Variants in DLC1 observed in about 807,000 individuals in gnomAD.
The protein encoded by DLC1 is DLC1 Rho GTPase activating protein.
Under a neutral mutation model 140.3 loss-of-function variants are expected in DLC1, and 54 were observed. The ratio of observed to expected loss-of-function variants is 0.38; its 90% CI spans 0.31 to 0.48. The LOEUF is 0.48. Among genes scored for constraint, DLC1 ranks in the 20% least tolerant of loss-of-function variants. The probability of loss-of-function intolerance (pLI) is 0.96; values close to 1 mark genes in which losing one functional copy is unlikely to be tolerated. For synonymous variants in DLC1, 986 were observed against 728.1 expected, an observed-to-expected ratio of 1.35 and a Z score of -5.70; for missense variants, 2,536 against 1,907.0, an observed-to-expected ratio of 1.33 and a Z score of -6.14.
chr8:13,411,839 T>A (rs1837797419), intron 2 of DLC1, among the ~76,000 whole-genome samples: 1 of 152,238 alleles, frequency 6.6e-6, no homozygotes, highest in Non-Finnish European at 1.5e-5. Context: ...ACCAATATTT[T>A]GCTCATTTAT....
chr8:13,488,651 A>T (rs1202545219), intron 2 of DLC1, among the ~76,000 whole-genome samples: 2 of 152,176 alleles, frequency 1.3e-5, no homozygotes, highest in Non-Finnish European at 2.9e-5. Context: ...CTGGAAAGGG[A>T]TCCTCCCTTA....
chr8:13,176,914 G>T lies in DLC1; in HGVS notation c.1349-61257C>A, dbSNP rs528055866. 1.6e-4 allele frequency among the ~76,000 whole-genome samples: 24 copies of T among 152,278 alleles called. No individual in the cohort carries two copies. In the South Asian group the frequency reaches 4.6e-3, roughly 29 times the overall value. ...AGAACTGGCTGTTGCTGGGTTTGAA[G>T]ATGGAGGTGAGCTAAGGATGGTGGG... On this transcript the variant is annotated intron_variant, in intron 5 of 17. Transcript: ENST00000276297.
At chr8:13,208,250 A>C (rs1451634732) in intron 5 of DLC1, among the ~76,000 whole-genome samples, 3 of 152,174 alleles carry the variant, frequency 2.0e-5, no homozygotes, top group Non-Finnish European at 4.4e-5. Flanking sequence ...TACAGAATTC[A>C]AGAAATTTAA....
chr8:13,492,017 T>G (rs1801270205), intron 2 of DLC1, among the ~76,000 whole-genome samples: 1 of 152,210 alleles, frequency 6.6e-6, no homozygotes, highest in African/African-American at 2.4e-5. Flanking sequence ...TGAATTTGTT[T>G]ATTATACATT....
upstream of DLC1, among the ~76,000 whole-genome samples, chr8:13,515,308 C>G (rs1180425375): frequency 3.3e-5 from 5 of 152,160 alleles, no homozygotes; most frequent in African/African-American, 1.2e-4. Context: ...ATTGGAAATG[C>G]TGCAGCTTTT....
chr8:13,402,859 A>G (rs1282764685), intron 2 of DLC1, among the ~76,000 whole-genome samples: 1 of 152,208 alleles, frequency 6.6e-6, no homozygotes, highest in East Asian at 1.9e-4. Context: ...GTCTAGGATA[A>G]TTTTGTGGGT....
chr8:13,322,609 T>C (rs1202367907), intron 4 of DLC1, among the ~76,000 whole-genome samples: 1 of 152,230 alleles, frequency 6.6e-6, no homozygotes, highest in Non-Finnish European at 1.5e-5. Context: ...TATAAAGTTT[T>C]AGCTTATCTT....
intron 5 of DLC1, among the ~76,000 whole-genome samples, chr8:13,233,509 T>C (rs1335370772): frequency 1.3e-5 from 2 of 152,064 alleles, no homozygotes; most frequent in South Asian, 2.1e-4. Context: ...AAAAATAAGA[T>C]ATTTTAAGGG....
chr8:13,202,541 G>A (rs796403366), intron 5 of DLC1, among the ~76,000 whole-genome samples: 74 of 152,202 alleles, frequency 4.9e-4, no homozygotes, highest in African/African-American at 1.6e-3. Context: ...AAGCCTGCCT[G>A]TCTTCTTGGC....
At chr8:13,312,914 T>C (rs1455358128) in intron 4 of DLC1, among the ~76,000 whole-genome samples, 2 of 152,284 alleles carry the variant, frequency 1.3e-5, no homozygotes, top group South Asian at 4.2e-4. Flanking sequence ...ATAATTAACT[T>C]ATTCAGAGAC....
rs1461085632 is a variant in DLC1 at position 13,499,753 on chromosome 8, G to C, written c.319C>G (p.Leu107Val). 6.2e-7 allele frequency: 1 copy of C among 1,614,032 alleles called. No individual in the cohort carries two copies. Among genetic ancestry groups the C allele is most frequent in the Admixed American group, 1.7e-5 (1 of 60,020 alleles). ...FLSLEASTET[L>V]VHVSDEDNNA... The stretch of plus-strand genomic sequence containing the variant: ...TTATCCTCATCAGAAACATGCACTA[G>C]TGTTTCTGTGCTGGCTTCCAGAGAA... The change falls in exon 2 of 18, where the codon CTA becomes GTA. Residue 107 changes from leucine to valine, a missense_variant. By Grantham distance (32) the Leu-to-Val change is conservative. Transcript: ENST00000276297.
chr8:13,462,663 C>T (rs960473113), intron 2 of DLC1, among the ~76,000 whole-genome samples: 3 of 152,178 alleles, frequency 2.0e-5, no homozygotes, highest in African/African-American at 4.8e-5. Context: ...GCCTCGGTCT[C>T]CCAAAGTGCT....
At chr8:13,568,058 C>T (rs1373864888) in intron 1 of DLC1, 10 of 1,239,930 alleles carry the variant, frequency 8.1e-6, no homozygotes, top group Non-Finnish European at 1.1e-5. Context: ...GATTTGAGGA[C>T]TAAGAACTTT....
chr8:13,512,814 GGATT>G (rs920566813), intron 1 of DLC1, among the ~76,000 whole-genome samples: 2 of 151,896 alleles, frequency 1.3e-5, no homozygotes, highest in Non-Finnish European at 2.9e-5. Context: ...ATTAGCATAT[GGATT>G]GATTTTCTTG....
chr8:13,210,404 A>C (rs992940411), intron 5 of DLC1, among the ~76,000 whole-genome samples: 2 of 152,144 alleles, frequency 1.3e-5, no homozygotes, highest in African/African-American at 2.4e-5. Flanking sequence ...TACTGGAGGC[A>C]TTGTCATTGT....
chr8:13,355,565 A>G (rs1317795182), intron 4 of DLC1, among the ~76,000 whole-genome samples: 3 of 152,144 alleles, frequency 2.0e-5, no homozygotes, highest in Non-Finnish European at 4.4e-5. Flanking sequence ...CAAGAATCCT[A>G]TCAGATCAGG....
intron 5 of DLC1, among the ~76,000 whole-genome samples, chr8:13,211,394 A>G (rs77105618): frequency 0.032 from 4,875 of 151,952 alleles, 465 homozygotes; most frequent in East Asian, 0.29. Flanking sequence ...TGCTCTGTCT[A>G]TGGAACACCG....
intron 1 of DLC1, among the ~76,000 whole-genome samples, chr8:13,592,572 C>G (rs1805550671): frequency 6.6e-6 from 1 of 151,950 alleles, no homozygotes; most frequent in African/African-American, 2.4e-5. Flanking sequence ...TTTAATTAAT[C>G]CAAAACATAT....
At chr8:13,199,522 G>T (rs1247275123) in intron 5 of DLC1, among the ~76,000 whole-genome samples, 1 of 151,894 alleles carries the variant, frequency 6.6e-6, no homozygotes, top group Admixed American at 6.6e-5. Context: ...ATGCCCCCTG[G>T]GAAGTTTTCC....
Sources: gnomAD v4.1 joint callset for allele counts (sites outside exome capture counted in the v4.1 genomes callset) on GRCh38, gnomAD v4.1.1 for gene constraint, MANE v1.5 for transcripts, NCBI Gene and HGNC (gene_info 2026-07-23, HGNC 2026-07-21) for gene names.